MIPOL1: variants seen among roughly 807,000 people sequenced by gnomAD.
The protein encoded by MIPOL1 is mirror-image polydactyly gene 1 protein.
Under a neutral mutation model 60.9 loss-of-function variants are expected in MIPOL1, and 57 were observed. The observed-to-expected ratio is 0.94, with a 90% CI of 0.76 to 1.17. The LOEUF is 1.17. Ranked by LOEUF, MIPOL1 falls within the 50% of genes most tolerant of loss-of-function variation. MIPOL1 has a pLI of 0.00. For missense variants in MIPOL1, 551 were observed against 511.6 expected (o/e 1.08, Z -0.74); for synonymous variants, 179 against 168.8 (o/e 1.06, Z -0.47).
chr14:37,243,095 T>G (rs1394345163), intron 1 of MIPOL1, among the ~76,000 whole-genome samples: 1 of 152,248 alleles, frequency 6.6e-6, no homozygotes, highest in Non-Finnish European at 1.5e-5. Flanking sequence ...AATGAATATC[T>G]TTGTACATAA....
At chr14:37,497,948 A>G (rs2095157567) in intron 11 of MIPOL1, among the ~76,000 whole-genome samples, 1 of 152,202 alleles carries the variant, frequency 6.6e-6, no homozygotes, top group South Asian at 2.1e-4. Flanking sequence ...TACTTTACAC[A>G]TGAATACCTA....
intron 7 of MIPOL1, among the ~76,000 whole-genome samples, chr14:37,299,496 A>G (rs1004704655): frequency 6.6e-6 from 1 of 151,968 alleles, no homozygotes; most frequent in Non-Finnish European, 1.5e-5. Context: ...TTTCTTTACC[A>G]TTTGGTTAAG....
At chr14:37,222,861 C>T (rs923283954) in intron 1 of MIPOL1, among the ~76,000 whole-genome samples, 6 of 152,176 alleles carry the variant, frequency 3.9e-5, no homozygotes, top group Admixed American at 1.3e-4. Context: ...TCCAAAACTA[C>T]GTTCAGATAT....
chr14:37,492,306 C>G (rs909052415), intron 11 of MIPOL1, among the ~76,000 whole-genome samples: 6 of 152,088 alleles, frequency 3.9e-5, no homozygotes, highest in Non-Finnish European at 5.9e-5. Flanking sequence ...GTAAAACAAG[C>G]CAAACCTGCC....
At chr14:37,473,371 T>C (rs1019057387) in intron 11 of MIPOL1, among the ~76,000 whole-genome samples, 35 of 152,152 alleles carry the variant, frequency 2.3e-4, no homozygotes, top group African/African-American at 8.2e-4. Flanking sequence ...CTTTTTTTTT[T>C]CTTTAAAACG....
intron 9 of MIPOL1, among the ~76,000 whole-genome samples, chr14:37,357,149 G>C (rs2153479552): frequency 6.6e-6 from 1 of 152,228 alleles, no homozygotes; most frequent in South Asian, 2.1e-4. Flanking sequence ...GGATCATATG[G>C]TAGCTCTATT....
At chr14:37,444,196 T>C (rs1033550374) in intron 11 of MIPOL1, among the ~76,000 whole-genome samples, 2 of 152,220 alleles carry the variant, frequency 1.3e-5, no homozygotes, top group Admixed American at 6.5e-5. Context: ...AACTGAACTT[T>C]TAAATTTCAT....
At position 37,308,396 on chromosome 14, in the gene MIPOL1, A is replaced by G. The variant is rs1415445141; in HGVS notation, c.705A>G (p.Ile235Met). 1 of 1,600,406 alleles carries G rather than the reference A, an allele frequency of 6.2e-7. No homozygotes were observed. Residue 235 changes from isoleucine (I) to methionine (M), a missense_variant, in exon 9 of 13, where the codon ATA becomes ATG. Transcript: ENST00000684589. ...LNRINNADTG[I>M]AIQKNGAIIV... Reference sequence around the variant, plus strand: ...GAATAAACAATGCAGACACAGGGATAGCTATTCAGAAGAATGGAGCTATAA... The same window carrying G: ...GAATAAACAATGCAGACACAGGGATGGCTATTCAGAAGAATGGAGCTATAA...
At chr14:37,267,279 G>C (rs1233613445) in intron 4 of MIPOL1, 110 bp downstream of exon 4, 22 of 743,708 alleles carry the variant, frequency 3.0e-5, no homozygotes, top group Non-Finnish European at 4.7e-5. Context: ...CTTGAGGTCA[G>C]GAGTTCGAGA....
chr14:37,459,192 G>A (rs963066385), intron 11 of MIPOL1, among the ~76,000 whole-genome samples: 1 of 151,220 alleles, frequency 6.6e-6, no homozygotes, highest in East Asian at 2.0e-4. Context: ...ATGACACTGA[G>A]ATGAAAAAAA....
At chr14:37,360,397 C>G (rs1240600013) in intron 9 of MIPOL1, among the ~76,000 whole-genome samples, 1 of 152,142 alleles carries the variant, frequency 6.6e-6, no homozygotes, top group African/African-American at 2.4e-5. Flanking sequence ...AGGAATGGTA[C>G]TATCTCCTCT....
At chr14:37,451,961 C>T (rs2094426365) in intron 11 of MIPOL1, among the ~76,000 whole-genome samples, 1 of 150,612 alleles carries the variant, frequency 6.6e-6, no homozygotes, top group Non-Finnish European at 1.5e-5. Context: ...ACTACAGGCG[C>T]CCGCCATCAC....
chr14:37,328,276 A>G (rs973289639), intron 9 of MIPOL1, among the ~76,000 whole-genome samples: 12 of 152,068 alleles, frequency 7.9e-5, no homozygotes, highest in Non-Finnish European at 1.8e-4. Context: ...CAGCCTCTCA[A>G]AGTGCTGGGA....
intron 12 of MIPOL1, among the ~76,000 whole-genome samples, chr14:37,508,748 C>A (rs924532302): frequency 2.0e-5 from 3 of 152,158 alleles, no homozygotes; most frequent in African/African-American, 7.2e-5. Flanking sequence ...TGTACTATCT[C>A]ATTCCTCAGA....
At chr14:37,362,244 G>C (rs1018556995) in intron 9 of MIPOL1, among the ~76,000 whole-genome samples, 1 of 152,182 alleles carries the variant, frequency 6.6e-6, no homozygotes, top group Non-Finnish European at 1.5e-5. Context: ...GCAGTGGCTA[G>C]TACTGGTTGT....
intron 3 of MIPOL1, among the ~76,000 whole-genome samples, chr14:37,253,987 C>T (rs1594754267): frequency 6.6e-6 from 1 of 151,766 alleles, no homozygotes; most frequent in East Asian, 1.9e-4. Flanking sequence ...AAGAACATGT[C>T]TGAGATCTGA....
At chr14:37,448,985 A>T (rs1301814313) in intron 11 of MIPOL1, among the ~76,000 whole-genome samples, 2 of 152,308 alleles carry the variant, frequency 1.3e-5, no homozygotes, top group South Asian at 4.1e-4. Flanking sequence ...CTCTTCAAAC[A>T]TTTCTAACTC....
At chr14:37,220,988 G>C (rs1160322001) in intron 1 of MIPOL1, among the ~76,000 whole-genome samples, 1 of 151,578 alleles carries the variant, frequency 6.6e-6, no homozygotes, top group Non-Finnish European at 1.5e-5. Flanking sequence ...TTGCTGTGTT[G>C]CCTAAGCCGT....
downstream of MIPOL1, chr14:37,551,683 T>A (rs1566808790): frequency 6.6e-6 from 1 of 151,622 alleles, no homozygotes; most frequent in African/African-American, 2.4e-5. Context: ...CCATCCTGGC[T>A]AACACGGTGA....
Sources: gnomAD v4.1 joint callset for allele counts (sites outside exome capture counted in the v4.1 genomes callset) on GRCh38, gnomAD v4.1.1 for gene constraint, MANE v1.5 for transcripts, NCBI Gene and HGNC (gene_info 2026-07-23, HGNC 2026-07-21) for gene names.